Variants in IKZF1 observed in about 807,000 individuals in gnomAD.
IKZF1 encodes IKAROS family zinc finger 1.
In IKZF1, 10 loss-of-function variants were observed where a neutral mutation model predicts 51.7. That is an observed-to-expected ratio of 0.19 (90% CI 0.12 to 0.33). The LOEUF (loss-of-function observed/expected upper bound fraction) is 0.33, where lower values mean the gene tolerates loss of function less well. Ranked by LOEUF, IKZF1 falls within the 10% of genes least tolerant of loss-of-function variation. The pLI is 1.00. For missense variants in IKZF1, 484 were observed against 707.5 expected (o/e 0.68, Z 3.58); for synonymous variants, 280 against 282.3 (o/e 0.99, Z 0.08).
intron 5 of IKZF1, 137 bp downstream of exon 5, chr7:50,382,844 C>G: frequency 8.9e-7 from 1 of 1,128,122 alleles, no homozygotes; most frequent in Non-Finnish European, 1.2e-6. Context: ...CGGGTGTGAG[C>G]TGTTGCTTCT....
In IKZF1 at chr7:50,354,367, C is replaced by T. The variant is rs1802674182; in HGVS notation, c.161-22166C>T. Reference sequence around the variant, plus strand: ...AGGGCAGCCTGGCGGAGGTGAGCATCATTCTGCTTTCTGGCTGCACCTGTG... The same window carrying T: ...AGGGCAGCCTGGCGGAGGTGAGCATTATTCTGCTTTCTGGCTGCACCTGTG... On this transcript the variant is annotated intron_variant, in intron 3 of 7. Coordinates refer to ENST00000331340, the MANE Select transcript of IKZF1 (RefSeq NM_006060.6). 2.0e-5 allele frequency among the ~76,000 whole-genome samples: 3 copies of T among 152,232 alleles called. No homozygotes were observed. In the South Asian group the frequency reaches 6.2e-4, roughly 32 times the overall value.
At chr7:50,373,047 G>A (rs1809180444) in intron 3 of IKZF1, among the ~76,000 whole-genome samples, 1 of 152,214 alleles carries the variant, frequency 6.6e-6, no homozygotes, top group African/African-American at 2.4e-5. Context: ...ACTGCTTTCA[G>A]CCACCATTTG....
chr7:50,306,671 C>G (rs1016429442), intron 1 of IKZF1, among the ~76,000 whole-genome samples: 6 of 152,162 alleles, frequency 3.9e-5, no homozygotes, highest in Admixed American at 6.5e-5. Context: ...TTTCCTTTGT[C>G]GAAAAACTAA....
chr7:50,349,816 G>A (rs1801368074), intron 3 of IKZF1, among the ~76,000 whole-genome samples: 1 of 152,148 alleles, frequency 6.6e-6, no homozygotes, highest in Non-Finnish European at 1.5e-5. Flanking sequence ...GTCACATTGA[G>A]GGCATTCATG....
intron 1 of IKZF1, among the ~76,000 whole-genome samples, chr7:50,316,252 A>C (rs1296536249): frequency 6.6e-6 from 1 of 152,180 alleles, no homozygotes; most frequent in Non-Finnish European, 1.5e-5. Flanking sequence ...ATTATTAAAA[A>C]TTTTGGTGAA....
rs1056161409 is a variant in IKZF1, at chr7:50,336,799, G to A, written c.160+9042G>A. Among the ~76,000 whole-genome samples the A allele has an allele frequency of 2.0e-4, 30 of 152,280 alleles. No homozygotes were observed. In the South Asian group the frequency reaches 6.2e-3, roughly 32 times the overall value. On this transcript the variant is annotated intron_variant, in intron 3 of 7. Coordinates refer to ENST00000331340, the MANE Select transcript of IKZF1 (RefSeq NM_006060.6). ...AGACCAAGGGATGGTGTCTAGCCAC[G>A]GAACAGTCTGGAAGGTAGGGATGTA...
rs942413271 is a variant in IKZF1, at chr7:50,401,024, C to G, written c.*397C>G. On this transcript the variant is annotated 3_prime_UTR_variant, in exon 8 of 8. Transcript: ENST00000331340. ...TACCCTGTGCTAAGCACGGGGTTCGCGCACCAGGTGTCTTTTTCCAGTCCC... is the reference window on the plus strand; with the variant it reads ...TACCCTGTGCTAAGCACGGGGTTCGGGCACCAGGTGTCTTTTTCCAGTCCC... 1 of 319,382 alleles carries G rather than the reference C, an allele frequency of 3.1e-6. No homozygotes were observed. Among genetic ancestry groups the G allele is most frequent in the Non-Finnish European group, 5.8e-6 (1 of 171,394 alleles). 19.8% of individuals were successfully genotyped at this position (319,382 alleles called of 1,614,324 possible).
intron 3 of IKZF1, among the ~76,000 whole-genome samples, chr7:50,334,479 T>C (rs1036238158): frequency 2.0e-5 from 3 of 151,938 alleles, no homozygotes; most frequent in Admixed American, 6.6e-5. Flanking sequence ...GTATGTTGTG[T>C]GTGTCATATG....
chr7:50,399,779 G>A, intron 7 of IKZF1, 139 bp from the exon 8 acceptor site: 2 of 1,303,442 alleles, frequency 1.5e-6, no homozygotes, highest in Non-Finnish European at 2.1e-6. Flanking sequence ...ATGTGTGCAG[G>A]TGTGGGGTCC....
intron 3 of IKZF1, among the ~76,000 whole-genome samples, chr7:50,343,235 C>T (rs111862430): frequency 0.078 from 10,603 of 136,732 alleles, 907 homozygotes; most frequent in African/African-American, 0.21. Flanking sequence ...CTCCCTCCCT[C>T]CCTTCCTCCT....
intron 7 of IKZF1, among the ~76,000 whole-genome samples, chr7:50,393,215 C>A (rs1465112535): frequency 6.6e-6 from 1 of 152,108 alleles, no homozygotes; most frequent in Non-Finnish European, 1.5e-5. Flanking sequence ...GTGAGGGAAA[C>A]CATGAGTCAC....
Position 50,335,677 on chromosome 7 carries a change from G to A in IKZF1, c.160+7920G>A, listed in dbSNP as rs897365533. On this transcript the variant is annotated intron_variant, in intron 3 of 7. Coordinates refer to ENST00000331340, the MANE Select transcript of IKZF1 (RefSeq NM_006060.6). ...TGGTGTGTATGTGTGTATGGGAAGC[G>A]TGGTATGTGGTGTGTATATGTTTAT... Among the ~76,000 whole-genome samples, 94 of 150,912 alleles carry A rather than the reference G, an allele frequency of 6.2e-4. 1 individual carries two copies. The highest frequency in any genetic ancestry group is 5.7e-3 in the East Asian group (29 of 5,122).
chr7:50,401,783 T>C lies in IKZF1; in HGVS notation c.*1156T>C, dbSNP rs1585045204. On this transcript the variant is annotated 3_prime_UTR_variant, in exon 8 of 8. Transcript: ENST00000331340. Reference sequence around the variant, plus strand: ...GGAGTGATTTAGAACAGTCATTAATTTTCAACTCAATGAAATATGTGAAGC... The same window carrying C: ...GGAGTGATTTAGAACAGTCATTAATCTTCAACTCAATGAAATATGTGAAGC... 4.5e-6 allele frequency: 1 copy of C among 221,552 alleles called. No homozygotes were observed. Among genetic ancestry groups the C allele is most frequent in the East Asian group, 6.6e-5 (1 of 15,262 alleles). 13.7% of individuals were successfully genotyped at this position (221,552 alleles called of 1,614,324 possible).
intron 3 of IKZF1, among the ~76,000 whole-genome samples, chr7:50,375,922 A>G (rs937969410): frequency 2.6e-5 from 4 of 152,220 alleles, no homozygotes; most frequent in Non-Finnish European, 5.9e-5. Flanking sequence ...AAAGCAACAC[A>G]AAGAACTTCC....
intron 3 of IKZF1, among the ~76,000 whole-genome samples, chr7:50,333,908 A>G (rs1796971769): frequency 6.6e-6 from 1 of 152,154 alleles, no homozygotes; most frequent in East Asian, 1.9e-4. Flanking sequence ...ACATATCCAA[A>G]CCCAGATGAT....
intron 3 of IKZF1, among the ~76,000 whole-genome samples, chr7:50,340,098 C>T (rs909163994): frequency 2.0e-5 from 3 of 152,226 alleles, no homozygotes; most frequent in Non-Finnish European, 2.9e-5. Context: ...AGGATACTTT[C>T]GCAGTAAGGG....
intron 1 of IKZF1, among the ~76,000 whole-genome samples, chr7:50,305,840 T>C (rs1472142459): frequency 6.6e-6 from 1 of 152,218 alleles, no homozygotes; most frequent in Non-Finnish European, 1.5e-5. Context: ...AAATACTGCG[T>C]ATGATATTTA....
chr7:50,380,963 CCTT>C (rs2153475394), intron 4 of IKZF1, among the ~76,000 whole-genome samples: 1 of 152,282 alleles, frequency 6.6e-6, no homozygotes, highest in South Asian at 2.1e-4. Flanking sequence ...CGTTTAAACT[CCTT>C]CTCTCTGCTT....
rs1818558039 is a variant in IKZF1 at position 50,403,905 on chromosome 7, T to C, written c.*3278T>C. The stretch of plus-strand genomic sequence containing the variant: ...AAACGCGAGATGAACTGGACTTATG[T>C]AGACAAATCGTGATGCCAGTGTATC... On this transcript the variant is annotated 3_prime_UTR_variant, in exon 8 of 8. Coordinates refer to ENST00000331340, the MANE Select transcript of IKZF1 (RefSeq NM_006060.6). 4.6e-6 allele frequency: 1 copy of C among 218,116 alleles called. No individual in the cohort carries two copies. The highest frequency in any genetic ancestry group is 9.2e-6 in the Non-Finnish European group (1 of 108,352). 13.5% of individuals were successfully genotyped at this position (218,116 alleles called of 1,614,324 possible).
Sources: allele counts gnomAD v4.1 joint callset (sites outside exome capture counted in the v4.1 genomes callset), GRCh38; gene constraint gnomAD v4.1.1; transcripts MANE v1.5; gene names NCBI Gene and HGNC (gene_info 2026-07-23, HGNC 2026-07-21).